ANKRD13C: variants seen among roughly 807,000 people sequenced by gnomAD.
ANKRD13C encodes ankyrin repeat domain-containing protein 13C.
ANKRD13C carries 16 observed loss-of-function variants against 65.5 expected under a neutral mutation model. The ratio of observed to expected loss-of-function variants is 0.24; its 90% CI spans 0.17 to 0.37. The LOEUF (loss-of-function observed/expected upper bound fraction) is 0.37. ANKRD13C is among the 10% of genes least tolerant of loss of function. ANKRD13C has a pLI of 1.00. For synonymous variants in ANKRD13C, 235 were observed against 238.7 expected (o/e 0.98, Z 0.14); for missense variants, 503 against 655.9 (o/e 0.77, Z 2.55).
At chr1:70,298,695 A>G (rs59821213) in intron 7 of ANKRD13C, among the ~76,000 whole-genome samples, 16,924 of 152,218 alleles carry the variant, frequency 0.11, 1,170 homozygotes, top group East Asian at 0.34. Flanking sequence ...CATAAGTAAG[A>G]GGTCAAATTA....
Position 70,262,489 on chromosome 1 carries a change from T to C in ANKRD13C, c.*228A>G. The C allele has an allele frequency of 3.3e-6, 1 of 305,506 alleles. No homozygotes were observed. Among genetic ancestry groups the C allele is most frequent in the Non-Finnish European group, 6.1e-6 (1 of 163,972 alleles). 18.9% of individuals were successfully genotyped at this position (305,506 alleles called of 1,614,324 possible). A position where few individuals can be genotyped will look rare whatever the true frequency, so the allele number is the denominator to read the frequency against. The stretch of plus-strand genomic sequence containing the variant: ...TCTTAGGGTCATTAATGTGTCAAAC[T>C]ATTACATTTATAATATGTATATTTT... On this transcript the variant is annotated 3_prime_UTR_variant, in exon 13 of 13. Transcript: ENST00000370944.
At chr1:70,302,701 G>C (rs1429312773) in intron 6 of ANKRD13C, among the ~76,000 whole-genome samples, 1 of 92,260 alleles carries the variant, frequency 1.1e-5, no homozygotes, top group African/African-American at 5.0e-5. Flanking sequence ...ACTCCAGCCT[G>C]GGCGACAGAG....
chr1:70,325,088 G>A lies in ANKRD13C; in HGVS notation c.473-131C>T, dbSNP rs561127623. On this transcript the variant is annotated intron_variant, in intron 2 of 12. Transcript: ENST00000370944. The stretch of plus-strand genomic sequence containing the variant: ...TAAACATTGTACCATGTAGAATTAT[G>A]TAATTTGAAAAATTTCTATGTATCT... 3.5e-5 allele frequency: 20 copies of A among 565,854 alleles called. No individual in the cohort carries two copies. In the African/African-American group the frequency reaches 3.9e-4, roughly 11 times the overall value. 35.1% of individuals were successfully genotyped at this position (565,854 alleles called of 1,614,324 possible).
intron 9 of ANKRD13C, among the ~76,000 whole-genome samples, chr1:70,282,406 AGAG>A: frequency 6.6e-6 from 1 of 152,170 alleles, no homozygotes; most frequent in East Asian, 1.9e-4. Flanking sequence ...TAGGAATGGC[AGAG>A]AAGACAAAAG....
intron 1 of ANKRD13C, among the ~76,000 whole-genome samples, chr1:70,337,003 C>T (rs938106434): frequency 6.6e-5 from 10 of 152,184 alleles, no homozygotes; most frequent in African/African-American, 2.4e-4. Context: ...TTTCACATAT[C>T]AGCAATTTTA....
chr1:70,310,640 T>C (rs1240548371), intron 5 of ANKRD13C, among the ~76,000 whole-genome samples: 1 of 152,262 alleles, frequency 6.6e-6, no homozygotes, highest in African/African-American at 2.4e-5. Flanking sequence ...TATATTTTAG[T>C]ATAATTAAAA....
Position 70,336,077 on chromosome 1 carries a change from A to C in ANKRD13C, c.453T>G (p.Ala151=), listed in dbSNP as rs777614616. The change falls in exon 2 of 13, where the codon GCT becomes GCG. Residue 151 remains alanine (A), a synonymous_variant. Transcript: ENST00000370944. ...ACTAACCTTTATTTCCTAACATCAC[A>C]GCAAGGTGTAAAGGAGTATTTCCTA... ...DNHGNTPLHL[A]VMLGNKECAH... 9.2e-5 allele frequency: 76 copies of C among 823,700 alleles called. No homozygotes were observed. The highest frequency in any genetic ancestry group is 1.2e-4 in the Non-Finnish European group (71 of 591,126). 51.0% of individuals were successfully genotyped at this position (823,700 alleles called of 1,614,324 possible). A position where few individuals can be genotyped will look rare whatever the true frequency, so the allele number is the denominator to read the frequency against.
At chr1:70,293,896 T>C (rs1375950365) in intron 8 of ANKRD13C, among the ~76,000 whole-genome samples, 1 of 152,240 alleles carries the variant, frequency 6.6e-6, no homozygotes, top group Non-Finnish European at 1.5e-5. Context: ...AGCCACTTAA[T>C]TTCTTGCTAC....
chr1:70,271,399 T>C (rs1204210343), intron 11 of ANKRD13C, among the ~76,000 whole-genome samples: 2 of 152,340 alleles, frequency 1.3e-5, no homozygotes, highest in South Asian at 2.1e-4. Flanking sequence ...TAATATCTCT[T>C]AGCATTCTAT....
intron 1 of ANKRD13C, among the ~76,000 whole-genome samples, chr1:70,353,073 A>G (rs1207116817): frequency 6.6e-6 from 1 of 152,244 alleles, no homozygotes; most frequent in Non-Finnish European, 1.5e-5. Context: ...CAATTTTCAT[A>G]TTAATAGCAG....
chr1:70,347,549 T>A (rs1682583946), intron 1 of ANKRD13C, among the ~76,000 whole-genome samples: 1 of 152,164 alleles, frequency 6.6e-6, no homozygotes, highest in Admixed American at 6.6e-5. Flanking sequence ...CTATTCCTAT[T>A]GCAGCCCAGT....
At chr1:70,268,168 G>GC (rs569658248) in intron 12 of ANKRD13C, among the ~76,000 whole-genome samples, 89 of 151,962 alleles carry the variant, frequency 5.9e-4, no homozygotes, top group African/African-American at 2.1e-3. Flanking sequence ...CATACAGCTA[G>GC]CTTCCCCGCC....
chr1:70,351,331 G>A (rs1269059189), intron 1 of ANKRD13C, among the ~76,000 whole-genome samples: 2 of 152,296 alleles, frequency 1.3e-5, no homozygotes, highest in East Asian at 3.9e-4. Context: ...ACCTGTATGA[G>A]TGTCTTATTC....
chr1:70,283,471 A>G (rs1490711654), intron 9 of ANKRD13C, among the ~76,000 whole-genome samples: 2 of 152,146 alleles, frequency 1.3e-5, no homozygotes, highest in African/African-American at 4.8e-5. Flanking sequence ...CTGAAAGTTT[A>G]AGATATTCAT....
Position 70,354,350 on chromosome 1 carries a change from C to T in ANKRD13C, c.59G>A (p.Gly20Glu). ...CTCATCCCCGGGCTCCAGCAGGTCCCCTTCTTCTTTGCTGGGCTTGTGGTC... is the reference window on the plus strand; with the variant it reads ...CTCATCCCCGGGCTCCAGCAGGTCCTCTTCTTCTTTGCTGGGCTTGTGGTC... ...RRDHKPSKEE[G>E]DLLEPGDEEA... Residue 20 changes from glycine (G) to glutamate (E), a missense_variant, in exon 1 of 13, where the codon GGG becomes GAG. Coordinates refer to ENST00000370944, the MANE Select transcript of ANKRD13C (RefSeq NM_030816.5). 1 of 1,614,140 alleles carries T rather than the reference C, an allele frequency of 6.2e-7. No homozygotes were observed. Among genetic ancestry groups the T allele is most frequent in the Non-Finnish European group, 8.5e-7 (1 of 1,180,020 alleles).
At position 70,354,657 on chromosome 1, in the gene ANKRD13C, T is replaced by TCGCCGTCGCAGC. The variant is rs543513846; in HGVS notation, c.-261_-250dup. 1.2e-3 allele frequency: 1,082 copies of TCGCCGTCGCAGC among 926,504 alleles called. 21 individuals are homozygous for TCGCCGTCGCAGC. In the South Asian group the frequency reaches 0.018, roughly 15 times the overall value. 57.4% of individuals were successfully genotyped at this position (926,504 alleles called of 1,614,324 possible). On this transcript the variant is annotated 5_prime_UTR_variant, in exon 1 of 13. Coordinates refer to ENST00000370944, the MANE Select transcript of ANKRD13C (RefSeq NM_030816.5). ...TGCCCACGACACCAGGATCTCAGTCTCGCCGTCGCAGCCGCCGTCGCTGCC... is the reference window on the plus strand; with the variant it reads ...TGCCCACGACACCAGGATCTCAGTCTCGCCGTCGCAGCCGCCGTCGCAGCCGCCGTCGCTGCC...
In ANKRD13C at chr1:70,306,694, G is replaced by A. The variant is rs567494677; in HGVS notation, c.710-404C>T. Among the ~76,000 whole-genome samples, 125 of 152,238 alleles carry A rather than the reference G, an allele frequency of 8.2e-4. No individual in the cohort carries two copies. In the Middle Eastern group the frequency reaches 0.017, roughly 21 times the overall value. On this transcript the variant is annotated intron_variant, in intron 5 of 12. Transcript: ENST00000370944. ...TTTGGAAAAATTGCAGTAAAGTAAT[G>A]TGTATAATAGAAAGAGACATCTTTG...
At chr1:70,299,659 T>C (rs1210715779) in intron 7 of ANKRD13C, among the ~76,000 whole-genome samples, 1 of 152,206 alleles carries the variant, frequency 6.6e-6, no homozygotes, top group Non-Finnish European at 1.5e-5. Context: ...AAATAACTCC[T>C]AGGTTTCTAA....
Position 70,277,713 on chromosome 1 carries a change from A to G in ANKRD13C, c.1216-869T>C, listed in dbSNP as rs181569382. 3.8e-4 allele frequency among the ~76,000 whole-genome samples: 58 copies of G among 152,316 alleles called. No homozygotes were observed. The East Asian group carries it at 0.011, about 29-fold the overall frequency. The stretch of plus-strand genomic sequence containing the variant: ...TTAAAACAGAGAAAATTAAAGGTAA[A>G]AAACACAAGAAGACTGATTTAAACT... On this transcript the variant is annotated intron_variant, in intron 9 of 12. Transcript: ENST00000370944.
Sources: gnomAD v4.1 joint callset for allele counts (sites outside exome capture counted in the v4.1 genomes callset) on GRCh38, gnomAD v4.1.1 for gene constraint, MANE v1.5 for transcripts, NCBI Gene and HGNC (gene_info 2026-07-23, HGNC 2026-07-21) for gene names.